The following MTMR3 variants were observed in gnomAD, a reference collection of about 807,000 sequenced individuals.
The protein encoded by MTMR3 is myotubularin related protein 3.
In MTMR3, 32 loss-of-function variants were observed where a neutral mutation model predicts 132.4. The ratio of observed to expected loss-of-function variants is 0.24; its 90% CI spans 0.18 to 0.32. The LOEUF (loss-of-function observed/expected upper bound fraction) is 0.32. MTMR3 is among the 10% of genes least tolerant of loss of function. The probability of loss-of-function intolerance (pLI) is 1.00; values close to 1 mark genes in which losing one functional copy is unlikely to be tolerated. For synonymous variants in MTMR3, 556 were observed against 550.3 expected, an observed-to-expected ratio of 1.01 and a Z score of -0.14; for missense variants, 1,216 against 1,489.6, an observed-to-expected ratio of 0.82 and a Z score of 3.02.
rs781588190 is a variant in MTMR3, at chr22:30,025,710, G to A, written c.3506G>A (p.Arg1169Gln). Residue 1169 changes from arginine to glutamine, a missense_variant, in exon 20 of 20, where the codon CGA becomes CAA. Around this residue, in one of 7 missense-constraint regions of MTMR3, gnomAD observed 852 missense variants for 852.0 expected, o/e 1.00. Coordinates refer to ENST00000401950, the MANE Select transcript of MTMR3 (RefSeq NM_021090.4). ...AGCCAGCAGCTCTTTGAACCCAGTC[G>A]AGTATGCAAGTCTTGCTATAGCAGC... is the stretch of plus-strand genomic sequence containing the variant. ...VPSQQLFEPS[R>Q]VCKSCYSSLH... The A allele has an allele frequency of 5.6e-6, 9 of 1,613,986 alleles. No individual in the cohort carries two copies. In the African/African-American group the frequency reaches 9.3e-5, roughly 17 times the overall value.
intron 3 of MTMR3, among the ~76,000 whole-genome samples, chr22:29,972,859 C>T (rs1399926232): frequency 6.6e-6 from 1 of 152,216 alleles, no homozygotes; most frequent in Non-Finnish European, 1.5e-5. Flanking sequence ...GCATGAGCTG[C>T]TGTGCCCCAT....
At chr22:29,918,922 A>G (rs1007671796) in intron 1 of MTMR3, among the ~76,000 whole-genome samples, 2 of 152,040 alleles carry the variant, frequency 1.3e-5, no homozygotes, top group Admixed American at 1.3e-4. Context: ...CTATTTATTT[A>G]TTTTTTATTG....
At chr22:30,008,862 A>G (rs1053688065) in intron 11 of MTMR3, 156 bp from the exon 12 acceptor site, 9 of 522,814 alleles carry the variant, frequency 1.7e-5, no homozygotes, top group Middle Eastern at 4.7e-4. Flanking sequence ...CTCTTATTAT[A>G]AAGGATTGGG....
chr22:29,978,849 A>G, intron 4 of MTMR3, 87 bp from the exon 5 acceptor site: 1 of 974,796 alleles, frequency 1.0e-6, no homozygotes. Context: ...GTGGCAGAGG[A>G]TTTACCATCC....
intron 1 of MTMR3, among the ~76,000 whole-genome samples, chr22:29,883,896 T>TA (rs1160906085): frequency 6.6e-6 from 1 of 152,124 alleles, no homozygotes; most frequent in Non-Finnish European, 1.5e-5. Context: ...CCTGACCTGG[T>TA]AGTACTTAGG....
chr22:29,954,012 T>C (rs1363441867), intron 1 of MTMR3, among the ~76,000 whole-genome samples: 3 of 151,464 alleles, frequency 2.0e-5, no homozygotes, highest in Non-Finnish European at 4.4e-5. Flanking sequence ...AGAGAGCTTC[T>C]TTCAGACTCA....
chr22:29,988,618 A>T, intron 6 of MTMR3, 56 bp downstream of exon 6: 2 of 1,334,510 alleles, frequency 1.5e-6, no homozygotes, highest in Non-Finnish European at 2.1e-6. Context: ...TTTTTTAAAG[A>T]ATGGGTCCAT....
chr22:29,912,460 T>G (rs1439643394), intron 1 of MTMR3, among the ~76,000 whole-genome samples: 1 of 152,060 alleles, frequency 6.6e-6, no homozygotes, highest in African/African-American at 2.4e-5. Context: ...ATTTTAAAAT[T>G]TTTAGTAGAG....
chr22:29,910,702 A>G (rs1415789439), intron 1 of MTMR3, among the ~76,000 whole-genome samples: 1 of 145,910 alleles, frequency 6.9e-6, no homozygotes, highest in African/African-American at 2.5e-5. Flanking sequence ...ATTGACTTTT[A>G]TGCCTCTTTT....
intron 1 of MTMR3, among the ~76,000 whole-genome samples, chr22:29,892,297 G>A (rs1291221553): frequency 6.6e-6 from 1 of 152,176 alleles, no homozygotes; most frequent in Non-Finnish European, 1.5e-5. Context: ...AGCAATGTAA[G>A]TACTCTATTT....
chr22:29,982,084 C>T (rs953625811), intron 5 of MTMR3: 4 of 151,544 alleles, frequency 2.6e-5, no homozygotes, highest in African/African-American at 9.7e-5. Flanking sequence ...TGGCAGGCAC[C>T]TGTAGTCCCA....
At chr22:29,943,339 C>G (rs927532228) in intron 1 of MTMR3, among the ~76,000 whole-genome samples, 1 of 151,796 alleles carries the variant, frequency 6.6e-6, no homozygotes, top group African/African-American at 2.4e-5. Flanking sequence ...ACTACAGGCA[C>G]CTGCCACCAC....
intron 3 of MTMR3, among the ~76,000 whole-genome samples, chr22:29,971,489 A>G (rs1198333009): frequency 6.6e-6 from 1 of 152,152 alleles, no homozygotes; most frequent in Non-Finnish European, 1.5e-5. Flanking sequence ...CAAATTACAT[A>G]TATATTGTGT....
chr22:29,894,477 C>T (rs1266724088), intron 1 of MTMR3, among the ~76,000 whole-genome samples: 1 of 151,194 alleles, frequency 6.6e-6, no homozygotes, highest in Non-Finnish European at 1.5e-5. Context: ...ACACAGAACT[C>T]AGCCCGAACT....
intron 14 of MTMR3, 89 bp downstream of exon 14, chr22:30,013,630 C>T (rs2067491388): frequency 1.6e-6 from 2 of 1,238,524 alleles, no homozygotes; most frequent in Admixed American, 2.4e-5. Context: ...AACTGTGCTG[C>T]CTCTTCAGAA....
intron 1 of MTMR3, among the ~76,000 whole-genome samples, chr22:29,942,978 GGGTATT>G (rs1360576574): frequency 6.6e-6 from 1 of 152,144 alleles, no homozygotes; most frequent in East Asian, 1.9e-4. Context: ...GAAATCACAA[GGGTATT>G]GGTTGGGGAA....
At chr22:30,023,593 C>T (rs1450588650) in intron 19 of MTMR3, 7 of 1,349,046 alleles carry the variant, frequency 5.2e-6, no homozygotes, top group African/African-American at 1.4e-5. Flanking sequence ...AAGCCTGGGG[C>T]CTTGGGTGCA....
intron 1 of MTMR3, among the ~76,000 whole-genome samples, chr22:29,944,223 G>T (rs1163020982): frequency 6.6e-6 from 1 of 151,454 alleles, no homozygotes. Context: ...TTTTAGATTG[G>T]TGCAAAAGTA....
chr22:29,958,058 G>A (rs2066236018), intron 2 of MTMR3, among the ~76,000 whole-genome samples: 1 of 151,972 alleles, frequency 6.6e-6, no homozygotes, highest in African/African-American at 2.4e-5. Context: ...AGGGGGTCTT[G>A]GAACATATTC....
Sources: allele counts gnomAD v4.1 joint callset (sites outside exome capture counted in the v4.1 genomes callset), GRCh38; gene constraint gnomAD v4.1.1; regional missense constraint gnomAD v4.1.1; transcripts MANE v1.5; gene names NCBI Gene and HGNC (gene_info 2026-07-23, HGNC 2026-07-21).